The following DPH5 variants were observed in gnomAD, a reference collection of about 807,000 sequenced individuals.
DPH5 encodes the protein diphthine methyl ester synthase.
In DPH5, 31 loss-of-function variants were observed where a neutral mutation model predicts 31.6. That is an observed-to-expected ratio of 0.98 (90% CI 0.74 to 1.32). The LOEUF is 1.32. Among genes scored for constraint, DPH5 ranks in the 40% most tolerant of loss-of-function variants. The pLI is 0.00. For missense variants in DPH5, 309 were observed against 335.7 expected (o/e 0.92, Z 0.62); for synonymous variants, 120 against 115.0 (o/e 1.04, Z -0.28).
chr1:100,996,675 C>T (rs1000000812), intron 5 of DPH5, among the ~76,000 whole-genome samples: 1 of 152,068 alleles, frequency 6.6e-6, no homozygotes, highest in African/African-American at 2.4e-5. Context: ...CTCTGGGCAA[C>T]GTAAGTCCTA....
intron 2 of DPH5, among the ~76,000 whole-genome samples, chr1:101,023,579 A>G (rs548959113): frequency 6.6e-6 from 1 of 152,378 alleles, no homozygotes; most frequent in East Asian, 1.9e-4. Flanking sequence ...TTTACAAAAT[A>G]ACAGCAGCCA....
Position 100,990,671 on chromosome 1 carries a change from T to G in DPH5, c.635-40A>C, listed in dbSNP as rs769534782. 2.5e-6 allele frequency: 4 copies of G among 1,580,558 alleles called. No homozygotes were observed. The South Asian group carries it at 4.5e-5, about 18-fold the overall frequency. ...AGATACTGCTATTCAATTCAGCAAA[T>G]GCATCATCCATCCAACAGTCAAACA... On this transcript the variant is annotated intron_variant, in intron 7 of 7. Coordinates refer to ENST00000370109, the MANE Select transcript of DPH5 (RefSeq NM_015958.3).
In DPH5 at chr1:101,021,681, T is replaced by C. The variant is rs568179155; in HGVS notation, c.220A>G (p.Ile74Val). The C allele has an allele frequency of 3.1e-6, 5 of 1,614,002 alleles. No individual in the cohort carries two copies. The South Asian group carries it at 4.4e-5, about 14-fold the overall frequency. The change falls in exon 3 of 8, where the codon ATC becomes GTC. Residue 74 changes from isoleucine (I) to valine (V), a missense_variant. Ile to Val is a conservative substitution (Grantham distance 29). Transcript: ENST00000370109. ...EADNILKDAD[I>V]SDVAFLVVGD... ...ACCACAAGGAATGCAACATCACTGA[T>C]ATCAGCATCCTTTAAAATATTATCT...
chr1:101,011,168 A>G (rs1406575005), intron 4 of DPH5, among the ~76,000 whole-genome samples: 1 of 152,236 alleles, frequency 6.6e-6, no homozygotes. Context: ...ATTATGCAGG[A>G]TATCTATACA....
chr1:100,999,209 G>T (rs752878978), intron 5 of DPH5, among the ~76,000 whole-genome samples: 2 of 152,214 alleles, frequency 1.3e-5, no homozygotes, highest in Non-Finnish European at 2.9e-5. Flanking sequence ...CAGCACTTTG[G>T]GGGGCCAAGG....
chr1:101,025,553 A>G lies in DPH5; in HGVS notation c.-23-87T>C, dbSNP rs1439299650. 6.0e-6 allele frequency: 8 copies of G among 1,332,000 alleles called. No individual in the cohort carries two copies. The East Asian group carries it at 1.9e-4, about 32-fold the overall frequency. 82.5% of individuals were successfully genotyped at this position (1,332,000 alleles called of 1,614,324 possible). ...TGAACACGATGACAACCAAAGTAGC[A>G]CAAGAGAAGAGGCAAGTCACAAGGA... On this transcript the variant is annotated intron_variant, in intron 1 of 7. Transcript: ENST00000370109.
intron 7 of DPH5, among the ~76,000 whole-genome samples, chr1:100,991,613 C>G (rs1177176271): frequency 6.6e-6 from 1 of 151,752 alleles, no homozygotes. Context: ...ATGGTGAAAC[C>G]CCATCTCCAC....
At chr1:101,004,248 C>CA (rs1301135076) in intron 4 of DPH5, among the ~76,000 whole-genome samples, 1 of 152,156 alleles carries the variant, frequency 6.6e-6, no homozygotes, top group Non-Finnish European at 1.5e-5. Context: ...CACCATATGT[C>CA]AATACCTCAA....
intron 4 of DPH5, among the ~76,000 whole-genome samples, chr1:101,011,405 T>G (rs556747434): frequency 6.6e-6 from 1 of 152,276 alleles, no homozygotes; most frequent in South Asian, 2.1e-4. Flanking sequence ...ATAATAAAAC[T>G]AAGCTGGGGG....
intron 3 of DPH5, among the ~76,000 whole-genome samples, chr1:101,014,358 CA>C (rs1659914947): frequency 6.6e-6 from 1 of 152,104 alleles, no homozygotes; most frequent in African/African-American, 2.4e-5. Flanking sequence ...AAAATATAGC[CA>C]GCCACATTAA....
intron 4 of DPH5, 22 bp downstream of exon 4, chr1:101,013,688 A>G: frequency 3.4e-6 from 5 of 1,469,938 alleles, no homozygotes; most frequent in East Asian, 2.3e-5. Flanking sequence ...ATTCCACTGA[A>G]AAACCTCCTT....
chr1:100,997,303 C>T (rs1198945491), intron 5 of DPH5, among the ~76,000 whole-genome samples: 1 of 152,198 alleles, frequency 6.6e-6, no homozygotes, highest in African/African-American at 2.4e-5. Flanking sequence ...TACCTGTACA[C>T]TGATCTTCTA....
intron 5 of DPH5, chr1:100,996,282 C>T (rs1658341636): frequency 6.6e-6 from 1 of 152,118 alleles, no homozygotes; most frequent in Non-Finnish European, 1.5e-5. Context: ...TTAATTCATT[C>T]ACTCTGAGCT....
intron 3 of DPH5, among the ~76,000 whole-genome samples, chr1:101,018,238 A>ATT (rs34464496): frequency 5.0e-5 from 7 of 138,950 alleles, no homozygotes; most frequent in Non-Finnish European, 7.8e-5. Flanking sequence ...ACAAAATTTG[A>ATT]TTTTTTTTTT....
Position 101,025,475 on chromosome 1 carries a change from C to A in DPH5, c.-23-9G>T. On this transcript the variant is annotated splice_polypyrimidine_tract_variant and intron_variant, in intron 1 of 7. Transcript: ENST00000370109. ...CTTGAGGAGAAGAGAGACTGCAAGA[C>A]GAAGTGGACAGAAAAACCGTCAGTA... 6.2e-7 allele frequency: 1 copy of A among 1,612,004 alleles called. No individual in the cohort carries two copies. The highest frequency in any genetic ancestry group is 1.1e-5 in the South Asian group (1 of 90,976).
intron 4 of DPH5, among the ~76,000 whole-genome samples, chr1:101,012,429 C>T (rs1408459486): frequency 2.0e-5 from 3 of 152,194 alleles, no homozygotes; most frequent in Non-Finnish European, 4.4e-5. Context: ...CCCTTGGACA[C>T]CCCCAGAAGG....
chr1:101,001,383 A>T, intron 5 of DPH5, 84 bp downstream of exon 5: 1 of 1,399,758 alleles, frequency 7.1e-7, no homozygotes, highest in African/African-American at 1.4e-5. Flanking sequence ...CTAGCTAATT[A>T]TCCACAGACC....
chr1:100,990,335 G>A lies in DPH5; in HGVS notation c.*73C>T. ...GATTAAAATTCAAGATGAGACTTGG[G>A]TGGGGATACATCCAAACCATATCAA... On this transcript the variant is annotated 3_prime_UTR_variant, in exon 8 of 8. Transcript: ENST00000370109. The A allele has an allele frequency of 5.1e-6, 7 of 1,373,144 alleles. No homozygotes were observed. Among genetic ancestry groups the A allele is most frequent in the African/African-American group, 1.4e-5 (1 of 70,236 alleles). The allele number at this position is 1,373,144 out of a possible 1,614,324, so 85.1% of individuals were successfully genotyped here.
chr1:100,992,933 A>G (rs1657912603), intron 6 of DPH5, among the ~76,000 whole-genome samples, 193 bp from the exon 7 acceptor site: 2 of 152,202 alleles, frequency 1.3e-5, no homozygotes, highest in Admixed American at 6.5e-5. Context: ...TCATTGTTCT[A>G]ATTTAACTTT....
Sources: gnomAD v4.1 joint callset for allele counts (sites outside exome capture counted in the v4.1 genomes callset) on GRCh38, gnomAD v4.1.1 for gene constraint, MANE v1.5 for transcripts, NCBI Gene and HGNC (gene_info 2026-07-23, HGNC 2026-07-21) for gene names.